The following IL16 variants were observed in gnomAD, a reference collection of about 807,000 sequenced individuals.
The protein encoded by IL16 is interleukin 16.
IL16 carries 67 observed loss-of-function variants against 110.1 expected under a neutral mutation model. The ratio of observed to expected loss-of-function variants is 0.61; its 90% CI spans 0.50 to 0.75. IL16 has a LOEUF of 0.75. Among genes scored for constraint, IL16 ranks in the 30% least tolerant of loss-of-function variants. The pLI is 0.00. For missense variants in IL16, 1,545 were observed against 1,655.0 expected (o/e 0.93, Z 1.15); for synonymous variants, 689 against 662.9 (o/e 1.04, Z -0.61).
Position 81,240,448 on chromosome 15 carries a change from G to A in IL16, c.312+14737G>A, listed in dbSNP as rs534822200. Among the ~76,000 whole-genome samples the A allele has an allele frequency of 1.3e-4, 20 of 151,800 alleles. No homozygotes were observed. The South Asian group carries it at 4.2e-3, about 32-fold the overall frequency. On this transcript the variant is annotated intron_variant, in intron 2 of 18. Coordinates refer to ENST00000683961, the MANE Select transcript of IL16 (RefSeq NM_172217.5). ...ATAAAGCCAAATTATTTTCTGAAGT[G>A]GTTATACCAATCTACCCTTCCATCA...
chr15:81,313,920 C>T lies in IL16; in HGVS notation c.*5122C>T, dbSNP rs537970278. The T allele has an allele frequency of 1.3e-5, 2 of 152,250 alleles. No homozygotes were observed. The highest frequency in any genetic ancestry group is 4.8e-5 in the African/African-American group (2 of 41,530). The allele number at this position is 152,250 out of a possible 1,614,324, so 9.4% of individuals were successfully genotyped here. A position where few individuals can be genotyped will look rare whatever the true frequency, so the allele number is the denominator to read the frequency against. On this transcript the variant is annotated 3_prime_UTR_variant, in exon 19 of 19. Transcript: ENST00000683961. ...TGATATGTGATATTGCAACAGACTA[C>T]ACGCACAAGCAGGTATGAGTTTCTG...
intron 2 of IL16, among the ~76,000 whole-genome samples, chr15:81,245,698 C>G (rs1290530643): frequency 7.4e-6 from 1 of 135,526 alleles, no homozygotes; most frequent in Non-Finnish European, 1.5e-5. Flanking sequence ...GGTCTTTTGG[C>G]TAGAGAGATC....
Position 81,212,786 on chromosome 15 carries a change from T to C in IL16, c.-101-12513T>C, listed in dbSNP as rs1462479371. 1.3e-5 allele frequency among the ~76,000 whole-genome samples: 2 copies of C among 152,186 alleles called. 1 individual carries two copies. Among genetic ancestry groups the C allele is most frequent in the Non-Finnish European group, 2.9e-5 (2 of 68,032 alleles). On this transcript the variant is annotated intron_variant, in intron 1 of 18. Transcript: ENST00000683961. The stretch of plus-strand genomic sequence containing the variant: ...CATGCCCGGCCCTTCTCTTTTTAAA[T>C]ATAGCTAGCTGTCTATCAATCTTAT...
At chr15:81,304,123 C>T (rs1481713722) in intron 16 of IL16, among the ~76,000 whole-genome samples, 1 of 152,240 alleles carries the variant, frequency 6.6e-6, no homozygotes, top group Non-Finnish European at 1.5e-5. Context: ...CAGCATTCAA[C>T]ATACCACACC....
At chr15:81,300,909 G>A (rs1900252302) in intron 14 of IL16, among the ~76,000 whole-genome samples, 1 of 152,182 alleles carries the variant, frequency 6.6e-6, no homozygotes, top group Admixed American at 6.5e-5. Context: ...CTCTGCACGT[G>A]GGTTCAACTC....
intron 10 of IL16, 124 bp from the exon 11 acceptor site, chr15:81,290,329 T>A: frequency 3.3e-6 from 2 of 605,736 alleles, no homozygotes; most frequent in Admixed American, 3.3e-5. Flanking sequence ...ATCAGCTATT[T>A]GCAGAGTGGG....
intron 1 of IL16, among the ~76,000 whole-genome samples, chr15:81,187,878 T>C (rs1895440733): frequency 6.6e-6 from 1 of 152,138 alleles, no homozygotes; most frequent in Non-Finnish European, 1.5e-5. Context: ...TATTCTGGGC[T>C]AAAGGGCAAC....
chr15:81,195,443 C>G (rs1363687169), upstream of IL16, among the ~76,000 whole-genome samples: 1 of 152,260 alleles, frequency 6.6e-6, no homozygotes, highest in African/African-American at 2.4e-5. Context: ...CTGACAGAGG[C>G]GCTCACTCTC....
At chr15:81,204,802 A>T (rs1477851456) in intron 1 of IL16, among the ~76,000 whole-genome samples, 1 of 152,026 alleles carries the variant, frequency 6.6e-6, no homozygotes, top group African/African-American at 2.4e-5. Flanking sequence ...AGCAGCCTGC[A>T]CCAAGTCCTG....
intron 1 of IL16, among the ~76,000 whole-genome samples, chr15:81,183,659 G>C (rs1895377490): frequency 6.6e-6 from 1 of 152,206 alleles, no homozygotes; most frequent in Admixed American, 6.5e-5. Context: ...TCTAGCTACA[G>C]AAAGATATGG....
rs1648065754 is a variant in IL16 at position 81,313,471 on chromosome 15, G to GT, written c.*4674dup. ...GGTGCTGGGGACGAGCGCCAGGCAG[G>GT]TGAGCAGAGCCCAGCCCAGTGGAAA... On this transcript the variant is annotated 3_prime_UTR_variant, in exon 19 of 19. Transcript: ENST00000683961. 1 of 1,416,392 alleles carries GT rather than the reference G, an allele frequency of 7.1e-7. No individual in the cohort carries two copies. The highest frequency in any genetic ancestry group is 1.6e-5 in the South Asian group (1 of 60,790). 87.7% of individuals were successfully genotyped at this position (1,416,392 alleles called of 1,614,324 possible).
At chr15:81,249,530 C>T (rs746820690) in intron 2 of IL16, among the ~76,000 whole-genome samples, 5 of 152,096 alleles carry the variant, frequency 3.3e-5, no homozygotes, top group Admixed American at 6.5e-5. Context: ...ATGACTTATA[C>T]AATTGCTGTT....
chr15:81,209,654 G>A (rs563405501), intron 1 of IL16, among the ~76,000 whole-genome samples: 18 of 152,288 alleles, frequency 1.2e-4, no homozygotes, highest in African/African-American at 2.4e-4. Context: ...GGCCAAAGGT[G>A]ACAGCAGGTC....
rs1230853556 is a variant in IL16, at chr15:81,309,667, CAG to C, written c.*872_*873del. Reference sequence around the variant, plus strand: ...AGGGAAGGGTGGTGGAGCCAGTAAACAGAGGAGTACAGGTGAAGCACCAAGCT... The same window carrying C: ...AGGGAAGGGTGGTGGAGCCAGTAAACAGGAGTACAGGTGAAGCACCAAGCT... On this transcript the variant is annotated 3_prime_UTR_variant, in exon 19 of 19. Transcript: ENST00000683961. The C allele has an allele frequency of 1.3e-5, 2 of 152,146 alleles. No homozygotes were observed. The highest frequency in any genetic ancestry group is 1.9e-4 in the East Asian group (1 of 5,182). The allele number at this position is 152,146 out of a possible 1,614,324, so 9.4% of individuals were successfully genotyped here.
At chr15:81,234,158 A>T (rs1897107159) in intron 2 of IL16, among the ~76,000 whole-genome samples, 10 of 152,144 alleles carry the variant, frequency 6.6e-5, no homozygotes, top group Admixed American at 6.5e-4. Context: ...GTGTTCACAT[A>T]TTTAAAGTAT....
chr15:81,253,919 A>G (rs1897855833), intron 2 of IL16, among the ~76,000 whole-genome samples: 1 of 152,042 alleles, frequency 6.6e-6, no homozygotes, highest in South Asian at 2.1e-4. Flanking sequence ...CTGGTTCCCA[A>G]CCTTCCCCTC....
rs185562694 is a variant in IL16, at chr15:81,233,516, A to G, written c.312+7805A>G. 2.7e-4 allele frequency among the ~76,000 whole-genome samples: 40 copies of G among 149,792 alleles called. 1 individual carries two copies. In the Middle Eastern group the frequency reaches 0.021, roughly 77 times the overall value. ...GTGTGTCTTGATTGATTCCTAGACT[A>G]ATTGTTCCATAGTTAAAGAAGAGAA... On this transcript the variant is annotated intron_variant, in intron 2 of 18. Transcript: ENST00000683961.
At chr15:81,262,443 G>A (rs1898194921) in intron 3 of IL16, among the ~76,000 whole-genome samples, 1 of 151,620 alleles carries the variant, frequency 6.6e-6, no homozygotes, top group Non-Finnish European at 1.5e-5. Flanking sequence ...TGTATTATCT[G>A]TAGTTTATTT....
chr15:81,284,393 G>A (rs1322434591), intron 9 of IL16, among the ~76,000 whole-genome samples: 1 of 152,184 alleles, frequency 6.6e-6, no homozygotes, highest in South Asian at 2.1e-4. Context: ...TGTTATCTGC[G>A]GGAGGGTGGC....
Sources: allele counts gnomAD v4.1 joint callset (sites outside exome capture counted in the v4.1 genomes callset), GRCh38; gene constraint gnomAD v4.1.1; transcripts MANE v1.5; gene names NCBI Gene and HGNC (gene_info 2026-07-23, HGNC 2026-07-21).